Variants in RNF24 observed in about 807,000 individuals in gnomAD.
The protein encoded by RNF24 is ring finger protein 24.
RNF24 carries 14 observed loss-of-function variants against 20.0 expected under a neutral mutation model. The ratio of observed to expected loss-of-function variants is 0.70; its 90% CI spans 0.46 to 1.10. The LOEUF (loss-of-function observed/expected upper bound fraction) is 1.10. Ranked by LOEUF, RNF24 falls within the 50% of genes least tolerant of loss-of-function variation. RNF24 has a pLI of 0.00. For synonymous variants in RNF24, 45 were observed against 61.1 expected, an observed-to-expected ratio of 0.74 and a Z score of 1.23; for missense variants, 124 against 177.6, an observed-to-expected ratio of 0.70 and a Z score of 1.71.
intron 2 of RNF24, among the ~76,000 whole-genome samples, chr20:3,960,471 C>T (rs2091189738): frequency 6.6e-6 from 1 of 152,150 alleles, no homozygotes. Flanking sequence ...AGATCTAGAA[C>T]ATCCTGGCCA....
At chr20:3,951,249 A>C (rs902856016) in intron 2 of RNF24, among the ~76,000 whole-genome samples, 21 of 152,086 alleles carry the variant, frequency 1.4e-4, no homozygotes, top group African/African-American at 5.1e-4. Flanking sequence ...GAGCCACCGC[A>C]CCAGGCCAGC....
chr20:3,948,174 C>A, intron 3 of RNF24, 63 bp downstream of exon 3: 1 of 1,200,814 alleles, frequency 8.3e-7, no homozygotes, highest in South Asian at 1.3e-5. Flanking sequence ...GAGTGGAAAT[C>A]AGAGTTCTCA....
chr20:3,992,246 T>G (rs575708447), intron 1 of RNF24, among the ~76,000 whole-genome samples: 2 of 152,356 alleles, frequency 1.3e-5, no homozygotes, highest in East Asian at 3.9e-4. Context: ...CTTTTGGTTT[T>G]GGCATTAGAC....
At chr20:3,986,966 AG>A in intron 1 of RNF24, among the ~76,000 whole-genome samples, 1 of 152,192 alleles carries the variant, frequency 6.6e-6, no homozygotes, top group Non-Finnish European at 1.5e-5. Context: ...GGATTGCAGT[AG>A]CATGATCATA....
intron 3 of RNF24, among the ~76,000 whole-genome samples, chr20:3,946,920 C>T (rs1038316554): frequency 5.3e-5 from 8 of 151,986 alleles, no homozygotes; most frequent in Non-Finnish European, 8.8e-5. Context: ...TGGCTGGGCG[C>T]GGTGGCTCAC....
At chr20:3,981,219 G>A (rs1453014019) in intron 1 of RNF24, among the ~76,000 whole-genome samples, 1 of 152,018 alleles carries the variant, frequency 6.6e-6, no homozygotes, top group Non-Finnish European at 1.5e-5. Context: ...TCTACCAAGT[G>A]TATTTGGCTG....
chr20:3,969,479 G>A (rs781581270), intron 1 of RNF24, among the ~76,000 whole-genome samples: 17 of 148,452 alleles, frequency 1.1e-4, no homozygotes, highest in Non-Finnish European at 2.2e-4. Flanking sequence ...GGCAAAGTTG[G>A]CAAACAAGAA....
intron 3 of RNF24, among the ~76,000 whole-genome samples, chr20:3,947,917 A>G (rs1396261660): frequency 2.0e-5 from 3 of 152,032 alleles, no homozygotes; most frequent in South Asian, 2.1e-4. Context: ...GTGGTGGCGC[A>G]TGCCTGTAAT....
rs370584875 is a variant in RNF24 at position 3,933,805 on chromosome 20, C to A, written c.*258G>T. 4 of 308,420 alleles carry A rather than the reference C, an allele frequency of 1.3e-5. No individual in the cohort carries two copies. Among genetic ancestry groups the A allele is most frequent in the East Asian group, 5.3e-5 (1 of 19,016 alleles). 19.1% of individuals were successfully genotyped at this position (308,420 alleles called of 1,614,324 possible). On this transcript the variant is annotated 3_prime_UTR_variant, in exon 6 of 6. Coordinates refer to ENST00000358395, the MANE Select transcript of RNF24 (RefSeq NM_001134337.3). Reference sequence around the variant, plus strand: ...AGAGTGTAATGGAGTTAGTAAGAGACCCTCATGAAGTTTCTTGAGGCAAAC... The same window carrying A: ...AGAGTGTAATGGAGTTAGTAAGAGAACCTCATGAAGTTTCTTGAGGCAAAC...
In RNF24 at chr20:3,928,344, TGGACAGAGGCACTGG is replaced by T. The variant is rs1045829415; in HGVS notation, c.*5704_*5718del. The T allele has an allele frequency of 2.0e-5, 3 of 152,096 alleles. No individual in the cohort carries two copies. The highest frequency in any genetic ancestry group is 2.0e-4 in the Admixed American group (3 of 15,244). The allele number at this position is 152,096 out of a possible 1,614,324, so 9.4% of individuals were successfully genotyped here. A position where few individuals can be genotyped will look rare whatever the true frequency, so the allele number is the denominator to read the frequency against. On this transcript the variant is annotated 3_prime_UTR_variant, in exon 6 of 6. Coordinates refer to ENST00000358395, the MANE Select transcript of RNF24 (RefSeq NM_001134337.3). Reference sequence around the variant, plus strand: ...GGCAAGTACACCAGGGAGGTGGGTGTGGACAGAGGCACTGGGCAGCTGCTGGGAAGCGAGGCACAA... The same window carrying T: ...GGCAAGTACACCAGGGAGGTGGGTGTGCAGCTGCTGGGAAGCGAGGCACAA...
At chr20:4,012,003 T>C (rs954341337) in intron 1 of RNF24, among the ~76,000 whole-genome samples, 1 of 152,226 alleles carries the variant, frequency 6.6e-6, no homozygotes, top group African/African-American at 2.4e-5. Flanking sequence ...ATATAATATA[T>C]AAGACTGCTG....
chr20:3,946,574 AGCTAT>A (rs2091020189), intron 3 of RNF24, among the ~76,000 whole-genome samples: 1 of 151,264 alleles, frequency 6.6e-6, no homozygotes, highest in African/African-American at 2.4e-5. Flanking sequence ...CTGTAGCCCC[AGCTAT>A]GCATGCCACC....
intron 1 of RNF24, among the ~76,000 whole-genome samples, chr20:3,972,974 G>A (rs554379861): frequency 1.0e-3 from 154 of 151,750 alleles, no homozygotes; most frequent in Non-Finnish European, 1.9e-3. Flanking sequence ...AGGCCGAGGC[G>A]GGTGGATCAC....
At chr20:3,989,526 C>G (rs17215340) in intron 1 of RNF24, among the ~76,000 whole-genome samples, 19,228 of 152,020 alleles carry the variant, frequency 0.13, 1,455 homozygotes, top group Non-Finnish European at 0.17. Context: ...ACCTGTGCTG[C>G]TGACACTTGA....
chr20:3,963,099 A>C (rs184383652), intron 2 of RNF24, among the ~76,000 whole-genome samples: 1 of 152,340 alleles, frequency 6.6e-6, no homozygotes, highest in East Asian at 1.9e-4. Context: ...TTACAATTAT[A>C]TTTGTCTCAA....
At chr20:3,937,211 C>G (rs1331287572) in intron 4 of RNF24, among the ~76,000 whole-genome samples, 1 of 152,060 alleles carries the variant, frequency 6.6e-6, no homozygotes, top group Non-Finnish European at 1.5e-5. Flanking sequence ...CTATAGCCAC[C>G]TGAGAAAAAA....
Position 3,982,302 on chromosome 20 carries a change from G to A in RNF24, c.-7-18278C>T, listed in dbSNP as rs1979477881. 2.0e-5 allele frequency among the ~76,000 whole-genome samples: 3 copies of A among 151,954 alleles called. No individual in the cohort carries two copies. In the South Asian group the frequency reaches 6.2e-4, roughly 32 times the overall value. On this transcript the variant is annotated intron_variant, in intron 1 of 5. Transcript: ENST00000358395. ...ACAGTATTAAGAGGTAGAGGGTTGG[G>A]CGCAGTGGCTCATGTCTGTAATCCC...
intron 4 of RNF24, among the ~76,000 whole-genome samples, chr20:3,941,759 T>C (rs1458502286): frequency 2.6e-5 from 4 of 152,222 alleles, no homozygotes; most frequent in South Asian, 2.1e-4. Context: ...ACTTCAAATA[T>C]AATTCAATGG....
intron 4 of RNF24, among the ~76,000 whole-genome samples, chr20:3,940,986 G>C (rs565106534): frequency 3.9e-5 from 6 of 152,256 alleles, no homozygotes; most frequent in African/African-American, 1.4e-4. Flanking sequence ...AACAGAAATG[G>C]TAAAAACCTG....
Sources: allele counts gnomAD v4.1 joint callset (sites outside exome capture counted in the v4.1 genomes callset), GRCh38; gene constraint gnomAD v4.1.1; transcripts MANE v1.5; gene names NCBI Gene and HGNC (gene_info 2026-07-23, HGNC 2026-07-21).